PRSS27: variants seen among roughly 807,000 people sequenced by gnomAD.
PRSS27 encodes serine protease 27.
Under a neutral mutation model 32.0 loss-of-function variants are expected in PRSS27, and 25 were observed. The ratio of observed to expected loss-of-function variants is 0.78; its 90% confidence interval spans 0.57 to 1.09. The LOEUF (loss-of-function observed/expected upper bound fraction) is 1.09, where lower values mean the gene tolerates loss of function less well. Among genes scored for constraint, PRSS27 ranks in the 50% least tolerant of loss-of-function variants. The pLI, the probability that PRSS27 is intolerant of heterozygous loss-of-function variation, is 0.00. For missense variants in PRSS27, 401 were observed against 394.9 expected (o/e 1.02, Z -0.13); for synonymous variants, 178 against 172.2 (o/e 1.03, Z -0.26).
intron 1 of PRSS27, among the ~76,000 whole-genome samples, chr16:2,719,639 G>A (rs2067722809): frequency 6.6e-6 from 1 of 152,176 alleles, no homozygotes; most frequent in Admixed American, 6.5e-5. Flanking sequence ...TCTCTACTGA[G>A]CCTGCAGCCA....
In PRSS27 at chr16:2,712,605, CTGGCCCCGGGGGTCT is replaced by C. The variant is rs1289443775; in HGVS notation, c.873_*14del. 35 of 1,566,886 alleles carry C rather than the reference CTGGCCCCGGGGGTCT, an allele frequency of 2.2e-5. No homozygotes were observed. Among genetic ancestry groups the C allele is most frequent in the Non-Finnish European group, 2.9e-5 (33 of 1,155,640 alleles). On this transcript the variant is annotated stop_lost and 3_prime_UTR_variant, in exon 6 of 6. Transcript: ENST00000302641. This position sits in a 1 kb window ranked among gnomAD's most constrained non-coding sequence, Gnocchi z 4.6. ...GTGCAGAGCTCTGCTCAAGGGGCTC[CTGGCCCCGGGGGTCT>C]CACTTCTGGCCGCCCAACCTCGCTG... is the stretch of plus-strand genomic sequence containing the variant.
intron 4 of PRSS27, 133 bp from the exon 5 acceptor site, chr16:2,713,831 C>T: frequency 9.4e-7 from 1 of 1,063,618 alleles, no homozygotes; most frequent in Non-Finnish European, 1.4e-6. Flanking sequence ...CACTGTGGGG[C>T]AGACATCCTC....
rs761553061 is a variant in PRSS27 at position 2,713,611 on chromosome 16, G to A, written c.596C>T (p.Thr199Ile). 3.7e-6 allele frequency: 6 copies of A among 1,614,208 alleles called. No homozygotes were observed. In the South Asian group the frequency reaches 4.4e-5, roughly 12 times the overall value. ...PKCNLLYSKD[T>I]EFGYQPKTIK... is the part of the protein sequence containing the mutation. ...GGTTTTGGGTTGGTAGCCAAACTCGGTGTCTTTGCTGTAGAGCAGGTTGCA... is the reference window on the plus strand; with the variant it reads ...GGTTTTGGGTTGGTAGCCAAACTCGATGTCTTTGCTGTAGAGCAGGTTGCA... Residue 199 changes from threonine (T) to isoleucine (I), a missense_variant, in exon 5 of 6, where the codon ACC (threonine) becomes ATC (isoleucine). Thr to Ile is a moderately conservative substitution (Grantham distance 89). Transcript: ENST00000302641.
intron 4 of PRSS27, 88 bp downstream of exon 4, chr16:2,713,977 G>A (rs530679653): frequency 3.6e-6 from 5 of 1,371,166 alleles, no homozygotes; most frequent in Admixed American, 4.3e-5. Context: ...TATAGCAACA[G>A]GAAGATTGTG....
At position 2,712,446 on chromosome 16, in the gene PRSS27, G is replaced by A. The variant is rs961835564; in HGVS notation, c.*174C>T. The A allele has an allele frequency of 3.2e-6, 2 of 615,898 alleles. No individual in the cohort carries two copies. The highest frequency in any genetic ancestry group is 1.9e-5 in the African/African-American group (1 of 52,700). 38.2% of individuals were successfully genotyped at this position (615,898 alleles called of 1,614,324 possible). On this transcript the variant is annotated 3_prime_UTR_variant, in exon 6 of 6. Coordinates refer to ENST00000302641, the MANE Select transcript of PRSS27 (RefSeq NM_031948.5). The surrounding 1 kb of genome is among the most constrained non-coding windows in gnomAD (Gnocchi z 4.6). ...CTGGCACACAGGCTGGGTTTTTATT[G>A]GGAGAAACATAAATAAAATAAGGGT...
chr16:2,714,722 C>G lies in PRSS27; in HGVS notation c.237-386G>C, dbSNP rs1330806703. Reference sequence around the variant, plus strand: ...GCCTCTGGCAGGTGACCTGCCCTCTCTCAGCCCGAGTTTCCGATTTTTTTT... The same window carrying G: ...GCCTCTGGCAGGTGACCTGCCCTCTGTCAGCCCGAGTTTCCGATTTTTTTT... On this transcript the variant is annotated intron_variant, in intron 3 of 5. Transcript: ENST00000302641. The surrounding 1 kb of genome is among the most constrained non-coding windows in gnomAD (Gnocchi z 4.7). The G allele has an allele frequency of 3.8e-6, 1 of 263,158 alleles. No individual in the cohort carries two copies. Among genetic ancestry groups the G allele is most frequent in the East Asian group, 1.2e-4 (1 of 8,130 alleles). 16.3% of individuals were successfully genotyped at this position (263,158 alleles called of 1,614,324 possible).
chr16:2,715,750 CTG>C lies in PRSS27; in HGVS notation c.202_203del (p.Gln68ValfsTer14). The C allele has an allele frequency of 6.3e-7, 1 of 1,575,188 alleles. No individual in the cohort carries two copies. On this transcript the variant is annotated frameshift_variant, in exon 3 of 6. Coordinates refer to ENST00000302641, the MANE Select transcript of PRSS27 (RefSeq NM_031948.5). LOFTEE classifies it high-confidence loss of function. ...AGCAGTGCGCAGCCGTCAGGACCCA[CTG>C]CTCCGCGATGAGGCTGCCCCCGCAG... Reference protein sequence around the residue: ...HFCGGSLIAEQWVLTAAHCFR... With the variant: ...HFCGGSLIAEXWVLTAAHCFR...
rs546950673 is a variant in PRSS27, at chr16:2,714,739, AT to A, written c.237-404del. 834 of 226,098 alleles carry A rather than the reference AT, an allele frequency of 3.7e-3. No homozygotes were observed. Among genetic ancestry groups the A allele is most frequent in the South Asian group, 7.2e-3 (141 of 19,568 alleles). The allele number at this position is 226,098 out of a possible 1,614,324, so 14.0% of individuals were successfully genotyped here. On this transcript the variant is annotated intron_variant, in intron 3 of 5. Transcript: ENST00000302641. The surrounding 1 kb of genome is among the most constrained non-coding windows in gnomAD (Gnocchi z 4.7). Reference sequence around the variant, plus strand: ...TGCCCTCTCTCAGCCCGAGTTTCCGATTTTTTTTTTCCCCTAGAGACAGAGT... The same window carrying A: ...TGCCCTCTCTCAGCCCGAGTTTCCGATTTTTTTTTCCCCTAGAGACAGAGT...
chr16:2,720,080 C>T (rs2067725966), intron 1 of PRSS27, 35 bp downstream of exon 1: 4 of 1,571,426 alleles, frequency 2.5e-6, no homozygotes, highest in East Asian at 2.3e-5. Flanking sequence ...TGGTGGGGGA[C>T]TGCACCACCA....
rs1368570747 is a variant in PRSS27, at chr16:2,717,892, G to C, written c.47-1366C>G. ...ATGGGCAGGAGGAGGAGGTGGAGAA[G>C]GTGCAGGGCAGGCAAAGGGGTGCCC... is the stretch of plus-strand genomic sequence containing the variant. On this transcript the variant is annotated intron_variant, in intron 1 of 5. Coordinates refer to ENST00000302641, the MANE Select transcript of PRSS27 (RefSeq NM_031948.5). This position sits in a 1 kb window ranked among gnomAD's most constrained non-coding sequence, Gnocchi z 4.1. 1 of 152,310 alleles carries C rather than the reference G, an allele frequency of 6.6e-6. No homozygotes were observed. The highest frequency in any genetic ancestry group is 2.4e-5 in the African/African-American group (1 of 41,404). The allele number at this position is 152,310 out of a possible 1,614,324, so 9.4% of individuals were successfully genotyped here. A position where few individuals can be genotyped will look rare whatever the true frequency, so the allele number is the denominator to read the frequency against.
rs564255597 is a variant in PRSS27 at position 2,714,390 on chromosome 16, C to A, written c.237-54G>T. 6.3e-7 allele frequency: 1 copy of A among 1,593,286 alleles called. No individual in the cohort carries two copies. The highest frequency in any genetic ancestry group is 1.7e-5 in the Admixed American group (1 of 58,870). ...AGGCGGCCCCTCGTGTGGGGACAGG[C>A]CCGGGAGGGGCTGGGGCTCCTCTGG... On this transcript the variant is annotated intron_variant, in intron 3 of 5. Coordinates refer to ENST00000302641, the MANE Select transcript of PRSS27 (RefSeq NM_031948.5). The surrounding 1 kb of genome is among the most constrained non-coding windows in gnomAD (Gnocchi z 4.7).
Position 2,714,903 on chromosome 16 carries a change from TTTTG to T in PRSS27, c.237-571_237-568del, listed in dbSNP as rs1002645538. 19 of 154,270 alleles carry T rather than the reference TTTTG, an allele frequency of 1.2e-4. No individual in the cohort carries two copies. The highest frequency in any genetic ancestry group is 2.2e-4 in the Non-Finnish European group (15 of 69,608). The allele number at this position is 154,270 out of a possible 1,614,324, so 9.6% of individuals were successfully genotyped here. ...ACAGGCACCACTGCACCTGGGGTTT[TTTTG>T]TTTGTTTGTTTTTTGTTTTTTAATT... is the stretch of plus-strand genomic sequence containing the variant. On this transcript the variant is annotated intron_variant, in intron 3 of 5. Transcript: ENST00000302641. This position sits in a 1 kb window ranked among gnomAD's most constrained non-coding sequence, Gnocchi z 4.7.
At chr16:2,715,915 C>T in intron 2 of PRSS27, 35 bp from the exon 3 acceptor site, 1 of 1,517,096 alleles carries the variant, frequency 6.6e-7, no homozygotes, top group Admixed American at 1.8e-5. Context: ...GGGGCGCTCA[C>T]TGGGGCTGGT....
rs1416910807 is a variant in PRSS27 at position 2,716,222 on chromosome 16, G to A, written c.73+278C>T. 8.7e-6 allele frequency: 5 copies of A among 576,440 alleles called. No homozygotes were observed. In the African/African-American group the frequency reaches 9.3e-5, roughly 11 times the overall value. 35.7% of individuals were successfully genotyped at this position (576,440 alleles called of 1,614,324 possible). A position where few individuals can be genotyped will look rare whatever the true frequency, so the allele number is the denominator to read the frequency against. On this transcript the variant is annotated intron_variant, in intron 2 of 5. Transcript: ENST00000302641. ...AACAGGTGTCAAGCCCTCTGCAAGGGAGCCACCCAGAGGGGGCCAGTCACG... is the reference window on the plus strand; with the variant it reads ...AACAGGTGTCAAGCCCTCTGCAAGGAAGCCACCCAGAGGGGGCCAGTCACG...
Position 2,714,382 on chromosome 16 carries a change from G to T in PRSS27, c.237-46C>A. The T allele has an allele frequency of 6.2e-7, 1 of 1,600,128 alleles. No individual in the cohort carries two copies. Among genetic ancestry groups the T allele is most frequent in the Non-Finnish European group, 8.5e-7 (1 of 1,177,674 alleles). ...GCGGCGTGAGGCGGCCCCTCGTGTG[G>T]GGACAGGCCCGGGAGGGGCTGGGGC... is the stretch of plus-strand genomic sequence containing the variant. On this transcript the variant is annotated intron_variant, in intron 3 of 5. Coordinates refer to ENST00000302641, the MANE Select transcript of PRSS27 (RefSeq NM_031948.5). This position sits in a 1 kb window ranked among gnomAD's most constrained non-coding sequence, Gnocchi z 4.7.
At chr16:2,715,124 A>G (rs2067692982) in intron 3 of PRSS27, 1 of 151,544 alleles carries the variant, frequency 6.6e-6, no homozygotes, top group Non-Finnish European at 1.5e-5. Context: ...TTTAAAGATC[A>G]AGAAGAAAAA....
Position 2,716,304 on chromosome 16 carries a change from T to A in PRSS27, c.73+196A>T, listed in dbSNP as rs1596232348. ...CATCCTGCACCGCGCCTCAAGGCTCTGTGCTGCCCGTCCTGCTCTTGTGTG... is the reference window on the plus strand; with the variant it reads ...CATCCTGCACCGCGCCTCAAGGCTCAGTGCTGCCCGTCCTGCTCTTGTGTG... On this transcript the variant is annotated intron_variant, in intron 2 of 5. Transcript: ENST00000302641. 14 of 628,998 alleles carry A rather than the reference T, an allele frequency of 2.2e-5. No homozygotes were observed. In the East Asian group the frequency reaches 3.8e-4, roughly 17 times the overall value. The allele number at this position is 628,998 out of a possible 1,614,324, so 39.0% of individuals were successfully genotyped here.
At chr16:2,713,224 A>C (rs989283320) in intron 5 of PRSS27, 3 of 457,316 alleles carry the variant, frequency 6.6e-6, no homozygotes, top group South Asian at 6.3e-5. Flanking sequence ...TCAGCCTCCC[A>C]AGTAGCTGGG....
rs762952442 is a variant in PRSS27 at position 2,720,139 on chromosome 16, G to A, written c.22C>T (p.Pro8Ser). Residue 8 changes from proline to serine, a missense_variant, in exon 1 of 6, where the codon CCG becomes TCG. Coordinates refer to ENST00000302641, the MANE Select transcript of PRSS27 (RefSeq NM_031948.5). MRRPAAV[P>S]LLLLLCFGSQ... ...CCAAAACACAGCAGCAGCAGGAGCG[G>A]CACCGCCGCCGGCCGCCTCATGTCC... 6.2e-7 allele frequency: 1 copy of A among 1,602,290 alleles called. No individual in the cohort carries two copies.
Sources: allele counts gnomAD v4.1 joint callset (sites outside exome capture counted in the v4.1 genomes callset), GRCh38; gene constraint gnomAD v4.1.1; non-coding constraint Gnocchi (gnomAD v3.1); transcripts MANE v1.5; gene names NCBI Gene and HGNC (gene_info 2026-07-23, HGNC 2026-07-21).